Variants in RPS6KA2 observed in about 807,000 individuals in gnomAD.
RPS6KA2 encodes ribosomal protein S6 kinase A2.
In RPS6KA2, 42 loss-of-function variants were observed where a neutral mutation model predicts 91.8. The ratio of observed to expected loss-of-function variants is 0.46; its 90% CI spans 0.36 to 0.59. The LOEUF (loss-of-function observed/expected upper bound fraction) is 0.59. RPS6KA2 is among the 20% of genes least tolerant of loss of function. The pLI is 0.00. For synonymous variants in RPS6KA2, 414 were observed against 393.6 expected (o/e 1.05, Z -0.61); for missense variants, 798 against 978.5 (o/e 0.82, Z 2.46).
At chr6:166,803,386 C>G (rs916074457) in intron 2 of RPS6KA2, among the ~76,000 whole-genome samples, 9 of 152,168 alleles carry the variant, frequency 5.9e-5, no homozygotes, top group Non-Finnish European at 1.3e-4. Flanking sequence ...ATAACTATTT[C>G]AGAAGTAGTT....
intron 1 of RPS6KA2, among the ~76,000 whole-genome samples, chr6:166,617,923 C>T (rs1786478433): frequency 6.6e-6 from 1 of 152,170 alleles, no homozygotes; most frequent in Non-Finnish European, 1.5e-5. Flanking sequence ...CAAATCAGCC[C>T]GAGGTTTTCT....
At chr6:166,696,793 G>A (rs183290358) in intron 2 of RPS6KA2, among the ~76,000 whole-genome samples, 19 of 152,286 alleles carry the variant, frequency 1.2e-4, no homozygotes, top group Admixed American at 7.8e-4. Flanking sequence ...ACCCCTTCCC[G>A]CCTGGCCACC....
At chr6:166,575,842 A>G (rs1784822781) in intron 1 of RPS6KA2, among the ~76,000 whole-genome samples, 1 of 152,210 alleles carries the variant, frequency 6.6e-6, no homozygotes, top group Non-Finnish European at 1.5e-5. Flanking sequence ...TTCATTTCAC[A>G]TGAAAAAAAA....
intron 1 of RPS6KA2, among the ~76,000 whole-genome samples, chr6:166,553,231 A>G (rs1784071774): frequency 6.6e-6 from 1 of 152,136 alleles, no homozygotes; most frequent in Non-Finnish European, 1.5e-5. Flanking sequence ...GAGATCCCCC[A>G]CCACAGCCTC....
At chr6:166,791,462 A>G (rs1286888315) in intron 2 of RPS6KA2, among the ~76,000 whole-genome samples, 1 of 152,238 alleles carries the variant, frequency 6.6e-6, no homozygotes, top group Non-Finnish European at 1.5e-5. Context: ...TCAACGAGAC[A>G]GAAATTTAAC....
intron 2 of RPS6KA2, among the ~76,000 whole-genome samples, chr6:166,645,926 A>G (rs1383225338): frequency 6.6e-6 from 1 of 152,222 alleles, no homozygotes; most frequent in Non-Finnish European, 1.5e-5. Flanking sequence ...ATGCAAAGAC[A>G]ATCTGTGCGT....
At chr6:166,460,109 C>T (rs1780225771) in intron 11 of RPS6KA2, among the ~76,000 whole-genome samples, 1 of 152,234 alleles carries the variant, frequency 6.6e-6, no homozygotes, top group Non-Finnish European at 1.5e-5. Context: ...GGCACCTCTG[C>T]CAGAAACCTG....
intron 2 of RPS6KA2, among the ~76,000 whole-genome samples, chr6:166,680,612 A>G (rs1204535293): frequency 6.6e-6 from 1 of 152,118 alleles, no homozygotes; most frequent in Non-Finnish European, 1.5e-5. Context: ...AGGGACGAAC[A>G]ACTCTGGACG....
intron 2 of RPS6KA2, among the ~76,000 whole-genome samples, chr6:166,731,140 G>A (rs1205715678): frequency 2.6e-5 from 4 of 152,162 alleles, no homozygotes; most frequent in Admixed American, 2.0e-4. Flanking sequence ...TACTCGGGAG[G>A]TTGGGGCAGG....
chr6:166,763,906 G>C (rs1165053489), intron 2 of RPS6KA2, among the ~76,000 whole-genome samples: 1 of 152,214 alleles, frequency 6.6e-6, no homozygotes, highest in African/African-American at 2.4e-5. Flanking sequence ...TCAGATCCAT[G>C]ACGGCACGGC....
intron 1 of RPS6KA2, among the ~76,000 whole-genome samples, chr6:166,607,435 G>A (rs1583321262): frequency 6.6e-6 from 1 of 152,220 alleles, no homozygotes; most frequent in Middle Eastern, 3.2e-3. Flanking sequence ...TATCCATGCA[G>A]TGGAATATTA....
At chr6:166,565,298 C>T (rs111278732) in intron 1 of RPS6KA2, among the ~76,000 whole-genome samples, 224 of 152,348 alleles carry the variant, frequency 1.5e-3, no homozygotes, top group African/African-American at 4.8e-3. Context: ...GACAGCGAGG[C>T]GGTGGGGGCT....
At chr6:166,519,690 G>T (rs576475880) in intron 3 of RPS6KA2, among the ~76,000 whole-genome samples, 78 of 152,322 alleles carry the variant, frequency 5.1e-4, no homozygotes, top group African/African-American at 1.8e-3. Context: ...GAAGCACTTT[G>T]TGAGATTATC....
Position 166,501,959 on chromosome 6 carries a change from G to A in RPS6KA2, c.567-1035C>T, listed in dbSNP as rs147458567. Among the ~76,000 whole-genome samples the A allele has an allele frequency of 5.1e-4, 77 of 152,306 alleles. No individual in the cohort carries two copies. In the East Asian group the frequency reaches 0.013, roughly 27 times the overall value. On this transcript the variant is annotated intron_variant, in intron 6 of 20. Transcript: ENST00000265678. Reference sequence around the variant, plus strand: ...ACATTATGCTCGATTAAATAAGCCCGTCCCCAAACGACAGGTATTATATGA... The same window carrying A: ...ACATTATGCTCGATTAAATAAGCCCATCCCCAAACGACAGGTATTATATGA...
intron 2 of RPS6KA2, among the ~76,000 whole-genome samples, chr6:166,697,150 T>A (rs1789383702): frequency 6.6e-6 from 1 of 152,184 alleles, no homozygotes; most frequent in Non-Finnish European, 1.5e-5. Context: ...CTATCGGTTT[T>A]GTTTCTCTGG....
At chr6:166,618,388 G>A (rs1786495015) in intron 1 of RPS6KA2, among the ~76,000 whole-genome samples, 2 of 152,270 alleles carry the variant, frequency 1.3e-5, no homozygotes, top group South Asian at 2.1e-4. Flanking sequence ...CCAAGCCCCT[G>A]AGAAGCTCAG....
intron 2 of RPS6KA2, among the ~76,000 whole-genome samples, chr6:166,744,754 G>A (rs60336430): frequency 0.13 from 19,925 of 152,154 alleles, 1,632 homozygotes; most frequent in Admixed American, 0.2. Flanking sequence ...ATTTAAAGCG[G>A]CACTCCACGT....
At chr6:166,641,668 CGA>C (rs1787436586) in intron 2 of RPS6KA2, among the ~76,000 whole-genome samples, 1 of 119,738 alleles carries the variant, frequency 8.4e-6, no homozygotes, top group Non-Finnish European at 1.6e-5. Flanking sequence ...TGCAGTGAGC[CGA>C]GATCACACCA....
chr6:166,526,178 T>C (rs1249847381), intron 3 of RPS6KA2, among the ~76,000 whole-genome samples: 1 of 152,060 alleles, frequency 6.6e-6, no homozygotes, highest in Non-Finnish European at 1.5e-5. Context: ...CTTCAGAAAA[T>C]AGATTCCAAT....
Sources: allele counts gnomAD v4.1 joint callset (sites outside exome capture counted in the v4.1 genomes callset), GRCh38; gene constraint gnomAD v4.1.1; transcripts MANE v1.5; gene names NCBI Gene and HGNC (gene_info 2026-07-23, HGNC 2026-07-21).